The following PLSCR4 variants were observed in gnomAD, a reference collection of about 807,000 sequenced individuals.
PLSCR4 encodes the protein Ca(2+)-dependent phospholipid scramblase 4.
PLSCR4 carries 25 observed loss-of-function variants against 36.3 expected under a neutral mutation model. The ratio of observed to expected loss-of-function variants is 0.69; its 90% CI spans 0.50 to 0.96. The LOEUF is 0.96. Among genes scored for constraint, PLSCR4 ranks in the 40% least tolerant of loss-of-function variants. The pLI is 0.00. For missense variants in PLSCR4, 408 were observed against 414.7 expected, an observed-to-expected ratio of 0.98 and a Z score of 0.14; for synonymous variants, 122 against 132.9, an observed-to-expected ratio of 0.92 and a Z score of 0.56.
rs757250580 is a variant in PLSCR4 at position 146,199,918 on chromosome 3, G to A, written c.519C>T (p.Pro173=). The A allele has an allele frequency of 2.5e-6, 4 of 1,613,548 alleles. No homozygotes were observed. The highest frequency in any genetic ancestry group is 2.7e-5 in the African/African-American group (2 of 74,992). ...FTRNAYRTLR[P]FVLRVTDCMG... is the part of the protein sequence containing the mutation. ...TACAATCAGTGACCCGGAGGACGAA[G>A]GGCCTTAGTGTCCGATAGGCATTCC... Residue 173 remains proline (P), a synonymous_variant, in exon 6 of 9, where the codon CCC becomes CCT. Transcript: ENST00000354952.
intron 3 of PLSCR4, among the ~76,000 whole-genome samples, chr3:146,212,652 T>C (rs1473088117): frequency 1.3e-5 from 2 of 152,092 alleles, no homozygotes; most frequent in South Asian, 2.1e-4. Context: ...GGCTCATGTC[T>C]TCTGCAAATG....
chr3:146,224,093 G>A (rs2035318630), intron 1 of PLSCR4, among the ~76,000 whole-genome samples: 1 of 151,862 alleles, frequency 6.6e-6, no homozygotes, highest in Non-Finnish European at 1.5e-5. Context: ...AATGACTACA[G>A]CTTTCTAGAA....
intron 3 of PLSCR4, among the ~76,000 whole-genome samples, chr3:146,219,320 G>A (rs747269549): frequency 1.3e-5 from 2 of 152,112 alleles, no homozygotes; most frequent in African/African-American, 4.8e-5. Flanking sequence ...TGTTCTAGTA[G>A]GGTCTAGGTT....
intron 4 of PLSCR4, among the ~76,000 whole-genome samples, chr3:146,205,538 T>C (rs1272578398): frequency 6.6e-6 from 1 of 152,018 alleles, no homozygotes; most frequent in African/African-American, 2.4e-5. Context: ...AATAAGTTAC[T>C]TCAATGCAAG....
At chr3:146,199,577 C>A (rs1025117279) in intron 6 of PLSCR4, among the ~76,000 whole-genome samples, 3 of 152,066 alleles carry the variant, frequency 2.0e-5, no homozygotes, top group Non-Finnish European at 2.9e-5. Context: ...ATTGACTACA[C>A]ATATGTCAAT....
chr3:146,206,177 G>A (rs1037382827), intron 4 of PLSCR4, among the ~76,000 whole-genome samples: 11 of 151,952 alleles, frequency 7.2e-5, no homozygotes, highest in Non-Finnish European at 1.6e-4. Context: ...GTTCTCTTTT[G>A]TGCTTTTTTT....
chr3:146,232,384 T>C (rs2035747840), intron 1 of PLSCR4, among the ~76,000 whole-genome samples: 1 of 152,132 alleles, frequency 6.6e-6, no homozygotes, highest in Non-Finnish European at 1.5e-5. Context: ...AAAAATGACA[T>C]TGGTAGTTTG....
chr3:146,213,682 C>T (rs758686703), intron 3 of PLSCR4, among the ~76,000 whole-genome samples: 57 of 152,168 alleles, frequency 3.7e-4, no homozygotes, highest in South Asian at 1.0e-3. Flanking sequence ...TTTTAAATGA[C>T]GAATTTAATC....
intron 1 of PLSCR4, among the ~76,000 whole-genome samples, chr3:146,230,681 AGAGAGGGAAAG>A: frequency 6.6e-6 from 1 of 152,310 alleles, no homozygotes; most frequent in Admixed American, 6.5e-5. Flanking sequence ...AAGGACAATG[AGAGAGGGAAAG>A]GAGAGGGACA....
At chr3:146,244,314 A>C (rs1305503264) in intron 1 of PLSCR4, among the ~76,000 whole-genome samples, 2 of 152,128 alleles carry the variant, frequency 1.3e-5, no homozygotes, top group Non-Finnish European at 2.9e-5. Context: ...CTTGGGTCCC[A>C]TTCTCAAGAT....
intron 1 of PLSCR4, among the ~76,000 whole-genome samples, chr3:146,243,168 G>A (rs76197285): frequency 0.017 from 2,555 of 152,118 alleles, 78 homozygotes; most frequent in African/African-American, 0.058. Flanking sequence ...CTTCCATGGG[G>A]ATCTCTCAAT....
chr3:146,200,103 T>C (rs2033967722), intron 5 of PLSCR4, 64 bp from the exon 6 acceptor site: 1 of 958,218 alleles, frequency 1.0e-6, no homozygotes, highest in African/African-American at 1.6e-5. Context: ...AAAGTCCTTG[T>C]TTAGTATTTC....
In PLSCR4 at chr3:146,206,722, G is replaced by A; in HGVS notation, c.158C>T (p.Pro53Leu). The change falls in exon 4 of 9, where the codon CCA becomes CTA. Residue 53 changes from proline (P) to leucine (L), a missense_variant. By Grantham distance (98) the Pro-to-Leu change is moderately conservative. Transcript: ENST00000354952. The stretch of plus-strand genomic sequence containing the variant: ...GTAGTATCCCATAGGCAAGCCTCCT[G>A]GGTAGCCAGTAGGTGGAGGGACAGC... ...GTAVPPPTGY[P>L]GGLPMGYYSP... The A allele has an allele frequency of 1.2e-6, 2 of 1,606,238 alleles. No individual in the cohort carries two copies. Among genetic ancestry groups the A allele is most frequent in the East Asian group, 4.5e-5 (2 of 44,670 alleles).
chr3:146,235,202 G>A (rs1411044121), intron 1 of PLSCR4, among the ~76,000 whole-genome samples: 5 of 152,146 alleles, frequency 3.3e-5, no homozygotes, highest in East Asian at 1.9e-4. Context: ...ATGTTGAAAT[G>A]TCATCCTCAA....
chr3:146,242,073 T>C (rs1489464430), intron 1 of PLSCR4, among the ~76,000 whole-genome samples: 1 of 152,188 alleles, frequency 6.6e-6, no homozygotes, highest in Non-Finnish European at 1.5e-5. Flanking sequence ...GATCAGACCA[T>C]GTCCGTTGAA....
intron 4 of PLSCR4, among the ~76,000 whole-genome samples, chr3:146,204,965 C>G (rs2034243761): frequency 6.6e-6 from 1 of 151,880 alleles, no homozygotes; most frequent in African/African-American, 2.4e-5. Context: ...CCAAATTTTC[C>G]TGATCCAACT....
At position 146,193,537 on chromosome 3, in the gene PLSCR4, G is replaced by A. The variant is rs891303311; in HGVS notation, c.*874C>T. ...GTGTACTAGGCAATCTTAGAGATCT[G>A]GCAACTTATTTTATATATAAGGCAT... On this transcript the variant is annotated 3_prime_UTR_variant, in exon 9 of 9. Coordinates refer to ENST00000354952, the MANE Select transcript of PLSCR4 (RefSeq NM_020353.3). 1 of 152,056 alleles carries A rather than the reference G, an allele frequency of 6.6e-6. No individual in the cohort carries two copies. Among genetic ancestry groups the A allele is most frequent in the Non-Finnish European group, 1.5e-5 (1 of 68,012 alleles). The allele number at this position is 152,056 out of a possible 1,614,324, so 9.4% of individuals were successfully genotyped here.
At chr3:146,197,192 GCA>G (rs909202511) in intron 6 of PLSCR4, among the ~76,000 whole-genome samples, 31 of 152,260 alleles carry the variant, frequency 2.0e-4, no homozygotes, top group Admixed American at 3.9e-4. Flanking sequence ...CTAGGAAGTG[GCA>G]CAGAGATAAG....
chr3:146,220,278 G>C (rs2035075682), intron 3 of PLSCR4, among the ~76,000 whole-genome samples: 1 of 152,120 alleles, frequency 6.6e-6, no homozygotes, highest in Non-Finnish European at 1.5e-5. Flanking sequence ...AGTGCACTCA[G>C]ACTTACAAAA....
Sources: gnomAD v4.1 joint callset for allele counts (sites outside exome capture counted in the v4.1 genomes callset) on GRCh38, gnomAD v4.1.1 for gene constraint, MANE v1.5 for transcripts, NCBI Gene and HGNC (gene_info 2026-07-23, HGNC 2026-07-21) for gene names.